Variants in CNNM4 observed in about 807,000 individuals in gnomAD.
The protein encoded by CNNM4 is metal transporter CNNM4.
Under a neutral mutation model 53.7 loss-of-function variants are expected in CNNM4, and 32 were observed. The observed-to-expected ratio is 0.60, with a 90% CI of 0.45 to 0.80. The LOEUF (loss-of-function observed/expected upper bound fraction) is 0.80. Among genes scored for constraint, CNNM4 ranks in the 30% least tolerant of loss-of-function variants. The probability of loss-of-function intolerance (pLI) is 0.00; values close to 1 mark genes in which losing one functional copy is unlikely to be tolerated. For missense variants in CNNM4, 784 were observed against 1,022.0 expected (o/e 0.77, Z 3.17); for synonymous variants, 410 against 440.0 (o/e 0.93, Z 0.85).
chr2:96,781,943 A>G (rs1000539943), intron 1 of CNNM4, among the ~76,000 whole-genome samples: 3 of 152,198 alleles, frequency 2.0e-5, no homozygotes, highest in African/African-American at 4.8e-5. Context: ...AAGAATTTTT[A>G]TGATGAATAG....
At position 96,805,439 on chromosome 2, in the gene CNNM4, TA is replaced by T. The variant is rs1371909589; in HGVS notation, c.1949-3121del. Reference sequence around the variant, plus strand: ...TTCAGTTTTTTTTTTTTTTTTTTTTTATTATTTTTTTTTAAATTTATTTTTT... The same window carrying T: ...TTCAGTTTTTTTTTTTTTTTTTTTTTTTATTTTTTTTTAAATTTATTTTTT... On this transcript the variant is annotated intron_variant, in intron 5 of 6. Transcript: ENST00000377075. 8.6e-3 allele frequency among the ~76,000 whole-genome samples: 1,117 copies of T among 129,144 alleles called. 5 individuals are homozygous for T. The highest frequency in any genetic ancestry group is 0.013 in the East Asian group (58 of 4,562). 84.7% of individuals were successfully genotyped at this position (129,144 alleles called of 152,430 possible).
rs2153352002 is a variant in CNNM4 at position 96,810,640 on chromosome 2, CAT to C, written c.*1124_*1125del. On this transcript the variant is annotated 3_prime_UTR_variant, in exon 7 of 7. Coordinates refer to ENST00000377075, the MANE Select transcript of CNNM4 (RefSeq NM_020184.4). This position sits in a 1 kb window ranked among gnomAD's most constrained non-coding sequence, Gnocchi z 4.1. ...CCTCTTGGGGGTGGAGACAAGAGGA[CAT>C]GTGGGAAGCCACGGAAGCAGGTTCT... 1 of 152,536 alleles carries C rather than the reference CAT, an allele frequency of 6.6e-6. No individual in the cohort carries two copies. Among genetic ancestry groups the C allele is most frequent in the East Asian group, 1.9e-4 (1 of 5,182 alleles). 9.4% of individuals were successfully genotyped at this position (152,536 alleles called of 1,614,324 possible).
chr2:96,776,703 C>T (rs890758046), intron 1 of CNNM4, among the ~76,000 whole-genome samples: 1 of 152,192 alleles, frequency 6.6e-6, no homozygotes, highest in Non-Finnish European at 1.5e-5. Flanking sequence ...ACCTCTGCCT[C>T]ATGGGTTTAA....
At chr2:96,777,195 A>G (rs997967661) in intron 1 of CNNM4, among the ~76,000 whole-genome samples, 1 of 148,350 alleles carries the variant, frequency 6.7e-6, no homozygotes, top group African/African-American at 2.5e-5. Context: ...TAATGTTTGT[A>G]TTTTTAGTAG....
chr2:96,772,847 A>G (rs537202828), intron 1 of CNNM4, among the ~76,000 whole-genome samples: 1 of 134,086 alleles, frequency 7.5e-6, no homozygotes, highest in African/African-American at 2.9e-5. Flanking sequence ...ACTCCCACCC[A>G]TGCTCACACA....
chr2:96,786,897 G>T (rs971841320), intron 1 of CNNM4, among the ~76,000 whole-genome samples: 1 of 151,208 alleles, frequency 6.6e-6, no homozygotes, highest in African/African-American at 2.4e-5. Context: ...CCCCCAATAT[G>T]AAAATAGTGT....
chr2:96,805,418 G>GTTTTTTTTTTTTTTTTTTT (rs898761608), intron 5 of CNNM4, among the ~76,000 whole-genome samples: 12 of 76,150 alleles, frequency 1.6e-4, no homozygotes, highest in East Asian at 8.2e-4. Context: ...CTTCTTTTCA[G>GTTTTTTTTTTTTTTTTTTT]TTTTTTTTTT....
At chr2:96,807,965 T>C (rs563141252) in intron 5 of CNNM4, among the ~76,000 whole-genome samples, 74 of 152,218 alleles carry the variant, frequency 4.9e-4, no homozygotes, top group South Asian at 8.3e-4. Context: ...CTTGGCTCAC[T>C]GCAATATCCA....
At chr2:96,769,692 C>T (rs2078851574) in intron 1 of CNNM4, among the ~76,000 whole-genome samples, 1 of 152,058 alleles carries the variant, frequency 6.6e-6, no homozygotes, top group Non-Finnish European at 1.5e-5. Flanking sequence ...TATTCGGGAG[C>T]CTCCTTGGAG....
At chr2:96,785,608 G>A (rs900222709) in intron 1 of CNNM4, among the ~76,000 whole-genome samples, 4 of 152,042 alleles carry the variant, frequency 2.6e-5, no homozygotes, top group Non-Finnish European at 4.4e-5. Flanking sequence ...ACTCCAGCCT[G>A]GGCCACAGAA....
chr2:96,794,655 C>T (rs868008438), intron 1 of CNNM4, among the ~76,000 whole-genome samples: 3 of 152,142 alleles, frequency 2.0e-5, no homozygotes, highest in Non-Finnish European at 4.4e-5. Context: ...CAAGAGCCCC[C>T]TTCTCTTGTG....
intron 1 of CNNM4, among the ~76,000 whole-genome samples, chr2:96,774,197 A>G (rs1435830678): frequency 6.6e-6 from 1 of 152,148 alleles, no homozygotes; most frequent in African/African-American, 2.4e-5. Flanking sequence ...TTTGCCAGTC[A>G]CGTGTTTTCA....
intron 1 of CNNM4, among the ~76,000 whole-genome samples, chr2:96,765,537 G>T (rs1170978852): frequency 6.6e-6 from 1 of 152,098 alleles, no homozygotes; most frequent in Non-Finnish European, 1.5e-5. Context: ...GTTGGGTGAG[G>T]GTCCTGAGCC....
chr2:96,763,492 G>T (rs919150885), intron 1 of CNNM4, among the ~76,000 whole-genome samples: 7 of 152,144 alleles, frequency 4.6e-5, no homozygotes, highest in Admixed American at 1.3e-4. Flanking sequence ...CTAAACTTGG[G>T]GACTTTGCTT....
At chr2:96,778,855 C>T (rs1163379018) in intron 1 of CNNM4, among the ~76,000 whole-genome samples, 1 of 152,144 alleles carries the variant, frequency 6.6e-6, no homozygotes, top group Non-Finnish European at 1.5e-5. Flanking sequence ...ATTTAATTGA[C>T]AAAAACCATA....
intron 1 of CNNM4, among the ~76,000 whole-genome samples, chr2:96,782,758 A>G (rs2078985477): frequency 6.6e-6 from 1 of 152,202 alleles, no homozygotes; most frequent in East Asian, 1.9e-4. Flanking sequence ...GGGGAAAAAA[A>G]GCTAATTTTC....
At chr2:96,802,025 C>T (rs538334726) in intron 5 of CNNM4, among the ~76,000 whole-genome samples, 2 of 149,146 alleles carry the variant, frequency 1.3e-5, no homozygotes, top group Admixed American at 1.3e-4. Flanking sequence ...ACAGAAGCAC[C>T]CACCCATAGG....
At chr2:96,779,102 G>A (rs1380415723) in intron 1 of CNNM4, among the ~76,000 whole-genome samples, 4 of 152,048 alleles carry the variant, frequency 2.6e-5, no homozygotes, top group South Asian at 4.2e-4. Flanking sequence ...GACTATAGGC[G>A]CCTGCCACCA....
intron 1 of CNNM4, among the ~76,000 whole-genome samples, chr2:96,769,496 G>A (rs536243040): frequency 1.3e-5 from 2 of 151,454 alleles, no homozygotes; most frequent in African/African-American, 4.8e-5. Flanking sequence ...ATCGGGAGGC[G>A]GAGGTTGCAG....
Sources: allele counts gnomAD v4.1 joint callset (sites outside exome capture counted in the v4.1 genomes callset), GRCh38; gene constraint gnomAD v4.1.1; non-coding constraint Gnocchi (gnomAD v3.1); transcripts MANE v1.5; gene names NCBI Gene and HGNC (gene_info 2026-07-23, HGNC 2026-07-21).